The following MARCHF1 variants were observed in gnomAD, a reference collection of about 807,000 sequenced individuals.
MARCHF1 encodes the protein membrane associated ring-CH-type finger 1, also known as E3 ubiquitin-protein ligase MARCHF1.
In MARCHF1, 40 loss-of-function variants were observed where a neutral mutation model predicts 54.2. The ratio of observed to expected loss-of-function variants is 0.74; its 90% CI spans 0.57 to 0.96. The LOEUF is 0.96. Among genes scored for constraint, MARCHF1 ranks in the 40% least tolerant of loss-of-function variants. The probability of loss-of-function intolerance (pLI) is 0.00; values close to 1 mark genes in which losing one functional copy is unlikely to be tolerated. For missense variants in MARCHF1, 586 were observed against 656.5 expected, an observed-to-expected ratio of 0.89 and a Z score of 1.17; for synonymous variants, 236 against 236.3, an observed-to-expected ratio of 1.00 and a Z score of 0.01.
intron 1 of MARCHF1, among the ~76,000 whole-genome samples, chr4:164,163,093 C>G (rs1472027958): frequency 1.3e-5 from 2 of 151,712 alleles, no homozygotes; most frequent in African/African-American, 4.8e-5. Context: ...ATTTTGTCAT[C>G]AATAGAATTA....
chr4:164,341,885 T>C (rs1254373963), intron 1 of MARCHF1, among the ~76,000 whole-genome samples: 1 of 152,220 alleles, frequency 6.6e-6, no homozygotes, highest in Non-Finnish European at 1.5e-5. Flanking sequence ...TAAGTAAAGT[T>C]GAAGTCCACA....
chr4:164,150,509 TA>T lies in MARCHF1; in HGVS notation c.-322-38848del, dbSNP rs1729904879. On this transcript the variant is annotated intron_variant, in intron 1 of 9. Coordinates refer to ENST00000514618, the MANE Select transcript of MARCHF1 (RefSeq NM_001394959.1). Reference sequence around the variant, plus strand: ...AGCAGCAAAGTCTAATTGGAAAAAATAAATTTCAGCTGTGATTGTTCTGACC... The same window carrying T: ...AGCAGCAAAGTCTAATTGGAAAAAATAATTTCAGCTGTGATTGTTCTGACC... Among the ~76,000 whole-genome samples the T allele has an allele frequency of 2.6e-5, 4 of 152,076 alleles. 1 individual carries two copies. In the Middle Eastern group the frequency reaches 0.01, roughly 388 times the overall value.
At chr4:163,719,374 G>T (rs914696865) in intron 4 of MARCHF1, among the ~76,000 whole-genome samples, 43 of 152,172 alleles carry the variant, frequency 2.8e-4, no homozygotes, top group African/African-American at 1.0e-3. Context: ...CCTTTTTTGT[G>T]ACTGCATAGT....
chr4:164,161,678 T>C, intron 1 of MARCHF1, among the ~76,000 whole-genome samples: 1 of 152,152 alleles, frequency 6.6e-6, no homozygotes, highest in Admixed American at 6.6e-5. Flanking sequence ...TATGTCTTCA[T>C]AGTCTTGTGT....
chr4:163,530,762 G>A (rs1376833720), intron 9 of MARCHF1: 6 of 151,996 alleles, frequency 3.9e-5, no homozygotes, highest in African/African-American at 1.4e-4. Context: ...TTTACCGGTA[G>A]CAAAGGTAAA....
intron 2 of MARCHF1, among the ~76,000 whole-genome samples, chr4:164,100,224 T>A (rs1755510699): frequency 2.3e-5 from 1 of 43,154 alleles, no homozygotes; most frequent in Admixed American, 2.0e-4. Context: ...AAGAGAAACG[T>A]GTACATTTGC....
chr4:164,280,809 A>G (rs1294487962), intron 1 of MARCHF1, among the ~76,000 whole-genome samples: 5 of 152,054 alleles, frequency 3.3e-5, no homozygotes, highest in Non-Finnish European at 7.4e-5. Flanking sequence ...TAAAACTAGA[A>G]CATACATTTC....
chr4:163,997,925 T>TACAC lies in MARCHF1; in HGVS notation c.-247-9220_-247-9217dup, dbSNP rs5863648. On this transcript the variant is annotated intron_variant, in intron 2 of 9. Coordinates refer to ENST00000514618, the MANE Select transcript of MARCHF1 (RefSeq NM_001394959.1). ...TATAATTTAAAGTAATTGCCTTAAA[T>TACAC]ACACACACACACACACACACACACA... is the stretch of plus-strand genomic sequence containing the variant. Among the ~76,000 whole-genome samples the TACAC allele has an allele frequency of 7.8e-3, 1,158 of 148,308 alleles. 13 individuals are homozygous for TACAC. The highest frequency in any genetic ancestry group is 0.027 in the African/African-American group (1,097 of 40,412).
At chr4:164,314,292 A>C (rs938691315) in intron 1 of MARCHF1, among the ~76,000 whole-genome samples, 1 of 152,240 alleles carries the variant, frequency 6.6e-6, no homozygotes, top group African/African-American at 2.4e-5. Flanking sequence ...ATTGCTAGCA[A>C]GAGAGAGCCA....
chr4:164,303,173 A>G (rs1440668919), intron 1 of MARCHF1, among the ~76,000 whole-genome samples: 1 of 152,168 alleles, frequency 6.6e-6, no homozygotes, highest in Non-Finnish European at 1.5e-5. Flanking sequence ...ATATGTGAAC[A>G]TCCACAGTTT....
intron 3 of MARCHF1, among the ~76,000 whole-genome samples, chr4:163,931,605 C>T (rs534508164): frequency 7.2e-5 from 11 of 152,162 alleles, no homozygotes; most frequent in African/African-American, 2.4e-4. Flanking sequence ...GAAAGAAATA[C>T]ATTTCCGTTG....
chr4:164,143,431 G>C (rs1271514736), intron 1 of MARCHF1, among the ~76,000 whole-genome samples: 2 of 149,916 alleles, frequency 1.3e-5, no homozygotes, highest in Admixed American at 6.6e-5. Flanking sequence ...AGAAAGGTCG[G>C]GTTACCCTCA....
At chr4:164,180,838 C>A (rs551610348) in intron 1 of MARCHF1, among the ~76,000 whole-genome samples, 3 of 152,220 alleles carry the variant, frequency 2.0e-5, no homozygotes, top group Middle Eastern at 6.8e-3. Flanking sequence ...CTGCTACATC[C>A]GCTTGCCATC....
chr4:163,983,098 G>A (rs1206700049), intron 3 of MARCHF1, among the ~76,000 whole-genome samples: 2 of 152,138 alleles, frequency 1.3e-5, no homozygotes, highest in African/African-American at 4.8e-5. Context: ...GTCCATTAGA[G>A]GTGAGTCCTC....
In MARCHF1 at chr4:163,737,255, G is replaced by A. The variant is rs1746072292; in HGVS notation, c.112-36392C>T. Among the ~76,000 whole-genome samples the A allele has an allele frequency of 1.0e-4, 5 of 48,222 alleles. No homozygotes were observed. The South Asian group carries it at 3.2e-3, about 31-fold the overall frequency. The allele number at this position is 48,222 out of a possible 152,430, so 31.6% of individuals were successfully genotyped here. A position where few individuals can be genotyped will look rare whatever the true frequency, so the allele number is the denominator to read the frequency against. On this transcript the variant is annotated intron_variant, in intron 4 of 9. Coordinates refer to ENST00000514618, the MANE Select transcript of MARCHF1 (RefSeq NM_001394959.1). ...TTATACTCTAAGTTTTAGGGTACAT[G>A]TGCACATTGTGCAGGTTAGTTACAT...
intron 1 of MARCHF1, among the ~76,000 whole-genome samples, chr4:164,348,522 G>A (rs930578624): frequency 1.3e-5 from 2 of 152,092 alleles, no homozygotes; most frequent in African/African-American, 4.8e-5. Context: ...TCTCCTTGGT[G>A]CTACATGAAG....
rs533246990 is a variant in MARCHF1 at position 163,967,094 on chromosome 4, C to T, written c.-39+21407G>A. Among the ~76,000 whole-genome samples, 6 of 152,154 alleles carry T rather than the reference C, an allele frequency of 3.9e-5. No homozygotes were observed. The East Asian group carries it at 9.7e-4, about 25-fold the overall frequency. ...CAATTTCTACTGCACTCAGAGAATA[C>T]AAGGACCCTAGAGAGACTTGAAAGA... On this transcript the variant is annotated intron_variant, in intron 3 of 9. Coordinates refer to ENST00000514618, the MANE Select transcript of MARCHF1 (RefSeq NM_001394959.1).
At chr4:163,856,046 G>A (rs1291136644) in intron 3 of MARCHF1, among the ~76,000 whole-genome samples, 3 of 152,108 alleles carry the variant, frequency 2.0e-5, no homozygotes, top group Non-Finnish European at 4.4e-5. Flanking sequence ...AGATCTGTAC[G>A]CTTACTTGCA....
intron 8 of MARCHF1, among the ~76,000 whole-genome samples, chr4:163,566,353 T>C (rs937564085): frequency 1.3e-5 from 2 of 152,212 alleles, no homozygotes; most frequent in East Asian, 1.9e-4. Context: ...GAATTGGGAC[T>C]GGAGGGACAC....
Sources: allele counts gnomAD v4.1 joint callset (sites outside exome capture counted in the v4.1 genomes callset), GRCh38; gene constraint gnomAD v4.1.1; transcripts MANE v1.5; gene names NCBI Gene and HGNC (gene_info 2026-07-23, HGNC 2026-07-21).